Variants in ARMCX4 observed in about 807,000 individuals in gnomAD.
The protein encoded by ARMCX4 is armadillo repeat-containing X-linked protein 4.
Under a neutral mutation model 34.7 loss-of-function variants are expected in ARMCX4, and 3 were observed. That is an observed-to-expected ratio of 0.09 (90% CI 0.04 to 0.22). The LOEUF (loss-of-function observed/expected upper bound fraction) is 0.22, where lower values mean the gene tolerates loss of function less well. Ranked by LOEUF, ARMCX4 falls within the 10% of genes least tolerant of loss-of-function variation. ARMCX4 has a pLI of 1.00. For synonymous variants in ARMCX4, 513 were observed against 632.8 expected, an observed-to-expected ratio of 0.81 and a Z score of 2.84; for missense variants, 1,448 against 1,720.8, an observed-to-expected ratio of 0.84 and a Z score of 2.81.
intron 3 of ARMCX4, among the ~76,000 whole-genome samples, chrX:101,445,362 T>A (rs1296388990): frequency 2.7e-5 from 3 of 111,908 alleles, no homozygotes; most frequent in Non-Finnish European, 5.6e-5. Context: ...ATGGCACAAT[T>A]TTCTGCTCCC....
intron 4 of ARMCX4, among the ~76,000 whole-genome samples, chrX:101,475,182 G>T (rs1241500724): frequency 9.1e-6 from 1 of 109,921 alleles, no homozygotes; most frequent in Non-Finnish European, 1.9e-5. Flanking sequence ...GCGTGTGGTG[G>T]TGCATGCCTG....
chrX:101,427,623 C>T (rs1354573957), intron 2 of ARMCX4, among the ~76,000 whole-genome samples: 11 of 111,228 alleles, frequency 9.9e-5, no homozygotes, highest in African/African-American at 2.6e-4. Context: ...ACAGGTGATC[C>T]GCCTGCCTTG....
chrX:101,502,802 T>A (rs1168801714), intron 7 of ARMCX4, among the ~76,000 whole-genome samples: 3 of 110,926 alleles, frequency 2.7e-5, no homozygotes, highest in East Asian at 2.8e-4. Flanking sequence ...TCTCTTTTTT[T>A]AATTATACTT....
At chrX:101,530,183 A>G (rs1407744751) in intron 11 of ARMCX4, among the ~76,000 whole-genome samples, 7 of 112,094 alleles carry the variant, frequency 6.2e-5, no homozygotes, top group African/African-American at 2.3e-4. Flanking sequence ...TGTCCTTTGT[A>G]GAGACATGGA....
At chrX:101,426,124 A>C (rs1362228096) in intron 2 of ARMCX4, among the ~76,000 whole-genome samples, 1 of 111,594 alleles carries the variant, frequency 9.0e-6, no homozygotes, top group Non-Finnish European at 1.9e-5. Context: ...CACCCAGCCA[A>C]GGACTTTTTT....
At chrX:101,435,915 T>G (rs782713657) in intron 2 of ARMCX4, among the ~76,000 whole-genome samples, 12 of 111,261 alleles carry the variant, frequency 1.1e-4, no homozygotes, top group Non-Finnish European at 1.5e-4. Flanking sequence ...TTTCCCCATT[T>G]CTTGTTTTTG....
At chrX:101,423,733 A>G (rs1012893625) in intron 2 of ARMCX4, among the ~76,000 whole-genome samples, 9 of 112,037 alleles carry the variant, frequency 8.0e-5, no homozygotes, top group Non-Finnish European at 1.7e-4. Flanking sequence ...AGGCAGGATT[A>G]GAGAGTTGAG....
Position 101,443,418 on chromosome X carries a change from C to T in ARMCX4, n.165-634C>T, listed in dbSNP as rs181485484. 4.7e-3 allele frequency among the ~76,000 whole-genome samples: 530 copies of T among 111,833 alleles called. 2 individuals carry two copies. The highest frequency in any genetic ancestry group is 0.016 in the African/African-American group (497 of 30,877). ...GCCAATCCTACCAGCACCATGATTT[C>T]GGACTTCACAGCCTCCAGAACTATG... On this transcript the variant is annotated intron_variant and non_coding_transcript_variant, in intron 2 of 3. Transcript: ENST00000430461.
chrX:101,528,067 C>T (rs1254397627), intron 11 of ARMCX4, among the ~76,000 whole-genome samples: 5 of 111,596 alleles, frequency 4.5e-5, no homozygotes, highest in African/African-American at 1.6e-4. Context: ...TGATGAACAT[C>T]CATGCAAATA....
At position 101,492,817 on chromosome X, in the gene ARMCX4, G is replaced by T; in HGVS notation, c.4228G>T (p.Gly1410Cys). Residue 1410 changes from glycine to cysteine, a missense_variant, in exon 6 of 6, where the codon GGT becomes TGT. Gly to Cys is a radical substitution (Grantham distance 159). Coordinates refer to ENST00000423738, the MANE Select transcript of ARMCX4 (RefSeq NM_001256155.3). ...GSWAGAGGQA[G>C]GGSKVGPEDQ... ...TTGGGCTGGGGCTGGTGGCCAGGCTGGTGGAGGGTCCAAGGTGGGGCCTGA... is the reference window on the plus strand; with the variant it reads ...TTGGGCTGGGGCTGGTGGCCAGGCTTGTGGAGGGTCCAAGGTGGGGCCTGA... The T allele has an allele frequency of 8.7e-7, 1 of 1,150,976 alleles. No individual in the cohort carries two copies. Among genetic ancestry groups the T allele is most frequent in the Non-Finnish European group, 1.1e-6 (1 of 870,707 alleles). 94.9% of individuals were successfully genotyped at this position (1,150,976 alleles called of 1,213,427 possible).
At chrX:101,432,721 T>C (rs1228214759) in intron 2 of ARMCX4, among the ~76,000 whole-genome samples, 3 of 94,667 alleles carry the variant, frequency 3.2e-5, no homozygotes, top group Admixed American at 1.2e-4. Flanking sequence ...TATACATATA[T>C]GTATATACAC....
At chrX:101,527,254 G>C (rs1258639059) in intron 11 of ARMCX4, among the ~76,000 whole-genome samples, 4 of 111,535 alleles carry the variant, frequency 3.6e-5, no homozygotes, top group Non-Finnish European at 1.9e-5. Context: ...ACGAAATGAA[G>C]GCAGAAATAA....
chrX:101,519,026 T>C (rs1470410887), intron 11 of ARMCX4, among the ~76,000 whole-genome samples: 6 of 111,399 alleles, frequency 5.4e-5, no homozygotes, highest in Non-Finnish European at 9.5e-5. Context: ...CATCAGTTAA[T>C]TGAAAAATAA....
chrX:101,523,437 G>A (rs1305784639), intron 11 of ARMCX4, among the ~76,000 whole-genome samples: 1 of 112,070 alleles, frequency 8.9e-6, no homozygotes, highest in Non-Finnish European at 1.9e-5. Context: ...AATGGCAAAG[G>A]ATAAAAATCT....
chrX:101,512,795 TAC>T, intron 11 of ARMCX4, among the ~76,000 whole-genome samples: 1 of 102,659 alleles, frequency 9.7e-6, no homozygotes, highest in African/African-American at 3.6e-5. Flanking sequence ...CACATATATA[TAC>T]ATATATACAC....
rs1556007891 is a variant in ARMCX4 at position 101,489,344 on chromosome X, C to T, written c.755C>T (p.Ala252Val). ...TVSVAKTQSE[A>V]RPGATVDARG... is the part of the protein sequence containing the mutation. The stretch of plus-strand genomic sequence containing the variant: ...AGTGTGGCTAAGACTCAGTCTGAGG[C>T]CAGGCCTGGTGCCACAGTTGATGCT... Residue 252 changes from alanine to valine, a missense_variant, in exon 6 of 6, where the codon GCC becomes GTC. Physicochemically the swap from Ala to Val is moderately conservative, Grantham distance 64. Transcript: ENST00000423738. 8.7e-7 allele frequency: 1 copy of T among 1,154,477 alleles called. No homozygotes were observed. Among genetic ancestry groups the T allele is most frequent in the Admixed American group, 2.6e-5 (1 of 38,711 alleles).
At chrX:101,464,691 T>C (rs781888874) in intron 4 of ARMCX4, among the ~76,000 whole-genome samples, 323 of 112,064 alleles carry the variant, frequency 2.9e-3, no homozygotes, top group Admixed American at 5.5e-3. Flanking sequence ...GCTCAGGATA[T>C]GGCTGTGTTA....
At chrX:101,506,729 A>C (rs1556015246) in intron 8 of ARMCX4, among the ~76,000 whole-genome samples, 1 of 110,980 alleles carries the variant, frequency 9.0e-6, no homozygotes, top group African/African-American at 3.3e-5. Flanking sequence ...AATGGTTCTC[A>C]AGCTTCCAGT....
In ARMCX4 at chrX:101,521,512, G is replaced by T. The variant is rs190032386; in HGVS notation, c.*1781-10132G>T. ...TGATCTTTTTAAAGAGCCAGACTTT[G>T]GTTCTATTGGTTTTCTCTATTATTT... On this transcript the variant is annotated intron_variant and NMD_transcript_variant, in intron 11 of 12. Coordinates refer to the ARMCX4 transcript ENST00000354842. 1.7e-4 allele frequency among the ~76,000 whole-genome samples: 19 copies of T among 110,037 alleles called. No individual in the cohort carries two copies. In the East Asian group the frequency reaches 2.6e-3, roughly 15 times the overall value.
Sources: allele counts gnomAD v4.1 joint callset (sites outside exome capture counted in the v4.1 genomes callset), GRCh38; gene constraint gnomAD v4.1.1; transcripts MANE v1.5; gene names NCBI Gene and HGNC (gene_info 2026-07-23, HGNC 2026-07-21).